PTPRT: variants seen among roughly 807,000 people sequenced by gnomAD.
The protein encoded by PTPRT is protein tyrosine phosphatase receptor type T, also known as receptor-type tyrosine-protein phosphatase T.
Under a neutral mutation model 176.8 loss-of-function variants are expected in PTPRT, and 56 were observed. That is an observed-to-expected ratio of 0.32 (90% CI 0.26 to 0.40). The LOEUF is 0.40. Among genes scored for constraint, PTPRT ranks in the 10% least tolerant of loss-of-function variants. PTPRT has a pLI of 1.00. For missense variants in PTPRT, 1,540 were observed against 1,908.2 expected (o/e 0.81, Z 3.60); for synonymous variants, 783 against 739.0 (o/e 1.06, Z -0.96).
At chr20:42,628,393 A>G (rs574140616) in intron 7 of PTPRT, among the ~76,000 whole-genome samples, 9 of 152,280 alleles carry the variant, frequency 5.9e-5, no homozygotes, top group Admixed American at 1.3e-4. Context: ...CACCTGCTCA[A>G]TTAGTTTCAT....
chr20:43,184,376 C>G (rs564398046), intron 1 of PTPRT, among the ~76,000 whole-genome samples: 23 of 152,148 alleles, frequency 1.5e-4, no homozygotes, highest in Admixed American at 2.6e-4. Flanking sequence ...TGAAATAATG[C>G]TCACATTTGA....
Position 42,906,118 on chromosome 20 carries a change from C to G in PTPRT, c.89-20186G>C, listed in dbSNP as rs796661926. The stretch of plus-strand genomic sequence containing the variant: ...CGAGACCACAGCAGGCAGAAACACA[C>G]AAGCTGCTGGACGTCCAGAGGAACA... On this transcript the variant is annotated intron_variant, in intron 1 of 30. Coordinates refer to ENST00000373187, the MANE Select transcript of PTPRT (RefSeq NM_007050.6). 7.2e-5 allele frequency among the ~76,000 whole-genome samples: 11 copies of G among 152,204 alleles called. 1 individual carries two copies. Among genetic ancestry groups the G allele is most frequent in the African/African-American group, 2.4e-4 (10 of 41,530 alleles).
intron 6 of PTPRT, among the ~76,000 whole-genome samples, chr20:42,726,502 T>C (rs761133746): frequency 6.6e-6 from 1 of 152,238 alleles, no homozygotes; most frequent in Non-Finnish European, 1.5e-5. Flanking sequence ...CCTGCAGCAA[T>C]GTTGCCTACG....
At chr20:42,822,927 T>A (rs2077922653) in intron 2 of PTPRT, among the ~76,000 whole-genome samples, 2 of 152,092 alleles carry the variant, frequency 1.3e-5, no homozygotes, top group African/African-American at 4.8e-5. Context: ...GAAATGTAAA[T>A]GATTTTACAC....
chr20:42,098,491 T>G lies in PTPRT; in HGVS notation c.3776A>C (p.Asp1259Ala). ...TQHPLPNTVA[D>A]FWRLVFDYNC... ...GTAATCGAACACCAGCCTCCAGAAG[T>G]CTGCCACGGTGTTGGGTAGAGGGTG... The change falls in exon 27 of 31, where the codon GAC (aspartate) becomes GCC (alanine). Residue 1259 changes from aspartate to alanine, a missense_variant. Transcript: ENST00000373187. 6.2e-7 allele frequency: 1 copy of G among 1,614,158 alleles called. No individual in the cohort carries two copies. Among genetic ancestry groups the G allele is most frequent in the Non-Finnish European group, 8.5e-7 (1 of 1,180,026 alleles).
At chr20:43,081,236 G>A (rs536473237) in intron 1 of PTPRT, among the ~76,000 whole-genome samples, 9 of 152,106 alleles carry the variant, frequency 5.9e-5, no homozygotes, top group Non-Finnish European at 7.3e-5. Flanking sequence ...ATATAAAACT[G>A]CATGGCCCTA....
In PTPRT at chr20:43,188,653, T is replaced by TAC. The variant is rs1309033144; in HGVS notation, c.88+991_88+992dup. ...CCCAGCCACCTCAGGCCGGCGTGGT[T>TAC]ACACCAAAAGCAATCGGTGCTAAGA... On this transcript the variant is annotated intron_variant, in intron 1 of 30. Transcript: ENST00000373187. Among the ~76,000 whole-genome samples, 7 of 148,464 alleles carry TAC rather than the reference T, an allele frequency of 4.7e-5. 1 individual carries two copies. In the South Asian group the frequency reaches 1.3e-3, roughly 27 times the overall value.
At chr20:43,131,186 C>T (rs1273967149) in intron 1 of PTPRT, among the ~76,000 whole-genome samples, 1 of 152,242 alleles carries the variant, frequency 6.6e-6, no homozygotes, top group Non-Finnish European at 1.5e-5. Context: ...ACACATGCAT[C>T]CACCCTCCAC....
chr20:42,171,040 A>C (rs1990060650), intron 16 of PTPRT, among the ~76,000 whole-genome samples: 1 of 152,240 alleles, frequency 6.6e-6, no homozygotes, highest in East Asian at 1.9e-4. Context: ...TTTAAATTCC[A>C]GAAAACAATG....
At chr20:42,877,132 G>T (rs1281397257) in intron 2 of PTPRT, among the ~76,000 whole-genome samples, 1 of 150,490 alleles carries the variant, frequency 6.6e-6, no homozygotes, top group African/African-American at 2.5e-5. Context: ...AAAGCTGAAG[G>T]ATCAGGCCTG....
At chr20:42,924,534 C>G (rs1014025856) in intron 1 of PTPRT, among the ~76,000 whole-genome samples, 10 of 152,208 alleles carry the variant, frequency 6.6e-5, no homozygotes, top group African/African-American at 2.2e-4. Context: ...AAACCCCATA[C>G]AAACATCTCT....
intron 1 of PTPRT, among the ~76,000 whole-genome samples, chr20:43,054,480 GAAC>G: frequency 6.6e-6 from 1 of 150,792 alleles, no homozygotes; most frequent in East Asian, 2.0e-4. Context: ...TTTGAGCCCA[GAAC>G]GTCAAGGCGG....
At chr20:42,354,128 AACTGGAT>A (rs2058326316) in intron 9 of PTPRT, among the ~76,000 whole-genome samples, 1 of 152,196 alleles carries the variant, frequency 6.6e-6, no homozygotes, top group Non-Finnish European at 1.5e-5. Flanking sequence ...AATTTTTGAA[AACTGGAT>A]ACAGTCATAT....
chr20:42,044,753 A>G, the PTPRT span, among the ~76,000 whole-genome samples: 3 of 152,228 alleles, frequency 2.0e-5, no homozygotes, highest in Non-Finnish European at 4.4e-5. Context: ...CTGCTGTGAT[A>G]AGCCATCACA....
chr20:43,150,805 A>T (rs2014326323), intron 1 of PTPRT, among the ~76,000 whole-genome samples: 1 of 152,202 alleles, frequency 6.6e-6, no homozygotes, highest in South Asian at 2.1e-4. Flanking sequence ...CTGGGGAGAA[A>T]GGTGACCCTA....
intron 6 of PTPRT, among the ~76,000 whole-genome samples, chr20:42,712,553 A>G (rs1180451667): frequency 6.6e-6 from 1 of 152,126 alleles, no homozygotes; most frequent in East Asian, 1.9e-4. Context: ...TCAAAAACAG[A>G]CTATCAGCGT....
intron 1 of PTPRT, among the ~76,000 whole-genome samples, chr20:43,021,422 C>T (rs1002576006): frequency 6.6e-6 from 1 of 152,060 alleles, no homozygotes; most frequent in Admixed American, 6.6e-5. Context: ...ATAATTTTTG[C>T]CCAGAGTCCA....
chr20:42,863,802 T>C (rs766628845), intron 2 of PTPRT, among the ~76,000 whole-genome samples: 3 of 152,174 alleles, frequency 2.0e-5, no homozygotes, highest in Non-Finnish European at 4.4e-5. Context: ...GGGCAGACCA[T>C]GAAAAGCCCC....
intron 1 of PTPRT, among the ~76,000 whole-genome samples, chr20:43,014,917 A>T (rs1306158352): frequency 1.3e-5 from 2 of 152,192 alleles, no homozygotes; most frequent in Non-Finnish European, 2.9e-5. Context: ...GGGGCATAAG[A>T]TCTGTTAAAG....
Sources: gnomAD v4.1 joint callset for allele counts (sites outside exome capture counted in the v4.1 genomes callset) on GRCh38, gnomAD v4.1.1 for gene constraint, MANE v1.5 for transcripts, NCBI Gene and HGNC (gene_info 2026-07-23, HGNC 2026-07-21) for gene names.